INF2: variants seen among roughly 807,000 people sequenced by gnomAD.
INF2 encodes inverted formin 2, also known as inverted formin-2.
A neutral mutation model predicts 123.5 loss-of-function variants in INF2; 43 were observed. That is an observed-to-expected ratio of 0.35 (90% confidence interval 0.27 to 0.45). INF2 has a LOEUF of 0.45. Ranked by LOEUF, INF2 falls within the 20% of genes least tolerant of loss-of-function variation. The pLI, the probability that INF2 is intolerant of heterozygous loss-of-function variation, is 1.00. For synonymous variants in INF2, 851 were observed against 745.0 expected (o/e 1.14, Z -2.32); for missense variants, 1,453 against 1,682.7 (o/e 0.86, Z 2.39).
intron 1 of INF2, among the ~76,000 whole-genome samples, chr14:104,693,897 C>T (rs1438511457): frequency 1.3e-5 from 2 of 152,252 alleles, no homozygotes; most frequent in South Asian, 2.1e-4. Context: ...AGACTGTCGC[C>T]TGCACCCAGC....
intron 1 of INF2, among the ~76,000 whole-genome samples, chr14:104,695,651 C>G (rs79185351): frequency 1.3e-5 from 2 of 151,760 alleles, no homozygotes; most frequent in East Asian, 3.9e-4. Flanking sequence ...CCTACCCCCC[C>G]TACAGAGTCA....
Position 104,714,295 on chromosome 14 carries a change from C to T in INF2, c.3133C>T (p.Arg1045Trp), listed in dbSNP as rs780428043. ...GLDATTASES[R>W]GWDLVDAVTP... ...TGATGCTACAACAGCCAGCGAGTCCCGGGGCTGGGACCTTGTAGACGCCGT... is the reference window on the plus strand; with the variant it reads ...TGATGCTACAACAGCCAGCGAGTCCTGGGGCTGGGACCTTGTAGACGCCGT... The change falls in exon 21 of 23, where the codon CGG (arginine) becomes TGG (tryptophan). Residue 1045 changes from arginine to tryptophan, a missense_variant. Physicochemically the swap from Arg to Trp is moderately radical, Grantham distance 101 (BLOSUM62 -3). Around this residue, in one of 8 missense-constraint regions of INF2, gnomAD observed 344 missense variants for 333.1 expected, o/e 1.03. Coordinates refer to ENST00000392634, the MANE Select transcript of INF2 (RefSeq NM_022489.4). 3.1e-5 allele frequency: 49 copies of T among 1,592,008 alleles called. No individual in the cohort carries two copies. Among genetic ancestry groups the T allele is most frequent in the Middle Eastern group, 1.7e-4 (1 of 6,052 alleles).
chr14:104,701,145 G>T (rs1013613280), intron 1 of INF2, among the ~76,000 whole-genome samples: 13 of 152,154 alleles, frequency 8.5e-5, no homozygotes, highest in African/African-American at 2.9e-4. Context: ...CCTGCCTGCC[G>T]CCTCGGTTGC....
In INF2 at chr14:104,701,766, A is replaced by C; in HGVS notation, c.391+10A>C. ...CGCCAGCTCTCCCAGGGTGAGCCGC[A>C]GTGTGGGAGGGCCGCCCAGGCGGAC... On this transcript the variant is annotated intron_variant, in intron 2 of 22. Transcript: ENST00000392634. 1 of 1,486,838 alleles carries C rather than the reference A, an allele frequency of 6.7e-7. No homozygotes were observed. Among genetic ancestry groups the C allele is most frequent in the Non-Finnish European group, 8.9e-7 (1 of 1,118,392 alleles). 92.1% of individuals were successfully genotyped at this position (1,486,838 alleles called of 1,614,324 possible).
chr14:104,705,542 A>C (rs1163727340), intron 5 of INF2, among the ~76,000 whole-genome samples: 1 of 152,088 alleles, frequency 6.6e-6, no homozygotes, highest in Non-Finnish European at 1.5e-5. Context: ...GACTGAGATG[A>C]CTGGCAAGTC....
chr14:104,702,543 G>A (rs1000178115), intron 2 of INF2, among the ~76,000 whole-genome samples: 1 of 151,984 alleles, frequency 6.6e-6, no homozygotes, highest in Non-Finnish European at 1.5e-5. Context: ...AGTGATGGGC[G>A]GGGCTGGGCC....
At chr14:104,688,004 G>A (rs572719353), upstream of INF2, among the ~76,000 whole-genome samples, 20 of 152,362 alleles carry the variant, frequency 1.3e-4, 1 homozygote, top group South Asian at 3.5e-3. Flanking sequence ...ACCAATGTTC[G>A]GGTCCAGGAG....
At chr14:104,690,271 C>G (rs1276832162) in intron 1 of INF2, 3 of 152,314 alleles carry the variant, frequency 2.0e-5, no homozygotes, top group Non-Finnish European at 4.4e-5. Flanking sequence ...TCCATCACAG[C>G]TCTCTGTTCC....
At chr14:104,704,090 G>A (rs1213213242) in intron 5 of INF2, 141 bp downstream of exon 5, 2 of 1,505,898 alleles carry the variant, frequency 1.3e-6, no homozygotes, top group East Asian at 2.5e-5. Context: ...TAACCCCAGG[G>A]GTCCAGCCAG....
chr14:104,687,449 C>T (rs572110941), upstream of INF2, among the ~76,000 whole-genome samples: 4 of 150,392 alleles, frequency 2.7e-5, no homozygotes, highest in Middle Eastern at 3.4e-3. This position sits in a 1 kb window ranked among gnomAD's most constrained non-coding sequence, Gnocchi z 5.6. Context: ...CCTCTGACCT[C>T]GGCCTCCACT....
In INF2 at chr14:104,707,048, G is replaced by A. The variant is rs750424579; in HGVS notation, c.982G>A (p.Asp328Asn). 7 of 1,577,792 alleles carry A rather than the reference G, an allele frequency of 4.4e-6. No individual in the cohort carries two copies. Among genetic ancestry groups the A allele is most frequent in the East Asian group, 4.6e-5 (2 of 43,874 alleles). Residue 328 changes from aspartate to asparagine, a missense_variant, in exon 7 of 23, where the codon GAT (aspartate) becomes AAT (asparagine). Around this residue, in one of 8 missense-constraint regions of INF2, gnomAD observed 374 missense variants for 303.7 expected, o/e 1.23. Transcript: ENST00000392634. ...GAACCGGGCCGTGCTCCTGGCCAGC[G>A]ATGGTGAGGGGGCGGGGCAGGGGCG... ...LVNRAVLLAS[D>N]AQECTLEEVV...
At chr14:104,686,760 G>A (rs937131613), upstream of INF2, among the ~76,000 whole-genome samples, 4 of 152,324 alleles carry the variant, frequency 2.6e-5, no homozygotes, top group South Asian at 2.1e-4. Flanking sequence ...GCCGCCTGCT[G>A]CATGCAGGGC....
rs1019361997 is a variant in INF2, at chr14:104,702,610, C to T, written c.392-495C>T. ...CAAGCCAGAGGCGCCTCGTTTCTGT[C>T]GGACCCAGGGGACAGAGGCAGGTGT... On this transcript the variant is annotated intron_variant, in intron 2 of 22. Transcript: ENST00000392634. Among the ~76,000 whole-genome samples, 5 of 152,302 alleles carry T rather than the reference C, an allele frequency of 3.3e-5. No homozygotes were observed. In the East Asian group the frequency reaches 5.8e-4, roughly 18 times the overall value.
At chr14:104,692,034 A>G (rs12889389) in intron 1 of INF2, among the ~76,000 whole-genome samples, 38,374 of 152,100 alleles carry the variant, frequency 0.25, 5,092 homozygotes, top group Middle Eastern at 0.33. Flanking sequence ...TAAATAAGGA[A>G]CCACAGGGGT....
chr14:104,683,976 C>T (rs538157665), intron 1 of INF2: 7 of 452,444 alleles, frequency 1.5e-5, no homozygotes, highest in Middle Eastern at 3.3e-4. Flanking sequence ...AAAGGAGCAC[C>T]TCCAGGGAGC....
At chr14:104,700,370 G>C (rs1889416553) in intron 1 of INF2, among the ~76,000 whole-genome samples, 1 of 152,200 alleles carries the variant, frequency 6.6e-6, no homozygotes, top group Non-Finnish European at 1.5e-5. Flanking sequence ...TGCTGGGCCG[G>C]GGTGGAGGCT....
In INF2 at chr14:104,689,619, C is replaced by A; in HGVS notation, c.-130C>A. The A allele has an allele frequency of 1.1e-6, 1 of 905,304 alleles. No individual in the cohort carries two copies. Among genetic ancestry groups the A allele is most frequent in the Non-Finnish European group, 1.3e-6 (1 of 757,232 alleles). The allele number at this position is 905,304 out of a possible 1,614,324, so 56.1% of individuals were successfully genotyped here. On this transcript the variant is annotated 5_prime_UTR_variant, in exon 1 of 23. Transcript: ENST00000392634. ...GCCCGCCCCGCCCGCCCCGCGCCCGCCAGGAGCCACCGTCCGAGCCTTGCG... is the reference window on the plus strand; with the variant it reads ...GCCCGCCCCGCCCGCCCCGCGCCCGACAGGAGCCACCGTCCGAGCCTTGCG...
chr14:104,689,181 C>T (rs1463364749), upstream of INF2: 13 of 965,040 alleles, frequency 1.3e-5, no homozygotes, highest in South Asian at 3.8e-4. Flanking sequence ...GCTGAGGGAT[C>T]CCCGAACGCG....
upstream of INF2, among the ~76,000 whole-genome samples, chr14:104,685,789 G>C (rs1179332308): frequency 2.0e-5 from 3 of 150,370 alleles, no homozygotes; most frequent in African/African-American, 4.9e-5. Flanking sequence ...GAATGGGTGA[G>C]TAGGTGGGTG....
Sources: gnomAD v4.1 joint callset for allele counts (sites outside exome capture counted in the v4.1 genomes callset) on GRCh38, gnomAD v4.1.1 for gene constraint, gnomAD v4.1.1 regional missense constraint, Gnocchi (gnomAD v3.1) non-coding constraint, MANE v1.5 for transcripts, NCBI Gene and HGNC (gene_info 2026-07-23, HGNC 2026-07-21) for gene names.